The following SULF2 variants were observed in gnomAD, a reference collection of about 807,000 sequenced individuals.
The protein encoded by SULF2 is sulfatase 2.
Under a neutral mutation model 107.7 loss-of-function variants are expected in SULF2, and 52 were observed. The ratio of observed to expected loss-of-function variants is 0.48; its 90% CI spans 0.39 to 0.61. The LOEUF is 0.61. Ranked by LOEUF, SULF2 falls within the 20% of genes least tolerant of loss-of-function variation. The pLI is 0.00. For missense variants in SULF2, 993 were observed against 1,177.3 expected (o/e 0.84, Z 2.29); for synonymous variants, 460 against 464.3 (o/e 0.99, Z 0.12).
Position 47,783,946 on chromosome 20 carries a change from C to T in SULF2, c.-101+1397G>A, listed in dbSNP as rs2090876342. ...GAAGGGGCCCCCTTCGTTCTGTCCT[C>T]CCTACCCCGTTCCTATACTTAACGA... On this transcript the variant is annotated intron_variant, in intron 1 of 20. Coordinates refer to ENST00000688720, the MANE Select transcript of SULF2 (RefSeq NM_001387048.1). 1.3e-5 allele frequency among the ~76,000 whole-genome samples: 2 copies of T among 152,232 alleles called. 1 individual carries two copies. Among genetic ancestry groups the T allele is most frequent in the South Asian group, 4.1e-4 (2 of 4,834 alleles).
intron 8 of SULF2, among the ~76,000 whole-genome samples, chr20:47,677,400 CTG>C (rs58936261): frequency 0.066 from 9,526 of 143,632 alleles, 661 homozygotes; most frequent in African/African-American, 0.18. Context: ...ACCCAAGTAA[CTG>C]TGTGTGTGTG....
intron 3 of SULF2, chr20:47,707,048 G>A (rs535671723): frequency 6.6e-6 from 1 of 152,206 alleles, no homozygotes; most frequent in African/African-American, 2.4e-5. Context: ...GGAGGGCAGT[G>A]GTGTAATCTC....
intron 1 of SULF2, among the ~76,000 whole-genome samples, chr20:47,784,388 C>T (rs2090884181): frequency 6.7e-6 from 1 of 149,928 alleles, no homozygotes; most frequent in African/African-American, 2.4e-5. Flanking sequence ...TGAATCAAAG[C>T]TTTCAAGGGG....
At chr20:47,738,523 T>A (rs2146798785) in intron 2 of SULF2, among the ~76,000 whole-genome samples, 1 of 152,324 alleles carries the variant, frequency 6.6e-6, no homozygotes, top group South Asian at 2.1e-4. Flanking sequence ...CCAAATCTCA[T>A]CTTGAATTGT....
At position 47,661,707 on chromosome 20, in the gene SULF2, A is replaced by G. The variant is rs979681748; in HGVS notation, c.2494+66T>C. 3.2e-5 allele frequency: 44 copies of G among 1,384,692 alleles called. 1 individual carries two copies. In the South Asian group the frequency reaches 7.6e-4, roughly 24 times the overall value. 85.8% of individuals were successfully genotyped at this position (1,384,692 alleles called of 1,614,324 possible). On this transcript the variant is annotated intron_variant, in intron 18 of 20. Coordinates refer to ENST00000688720, the MANE Select transcript of SULF2 (RefSeq NM_001387048.1). ...CAGGCTCATTCTTGGGGTAGACACC[A>G]CCTCCTGAGTCCCTTCCTTTGGTTA...
intron 2 of SULF2, among the ~76,000 whole-genome samples, chr20:47,755,058 G>A (rs193217907): frequency 2.8e-4 from 43 of 152,140 alleles, no homozygotes; most frequent in South Asian, 1.0e-3. Flanking sequence ...GGCTGGTCTC[G>A]AACTCCTGGC....
chr20:47,675,552 T>C (rs538752996), intron 10 of SULF2, among the ~76,000 whole-genome samples: 1 of 152,274 alleles, frequency 6.6e-6, no homozygotes, highest in South Asian at 2.1e-4. Flanking sequence ...ATGCAGTCCA[T>C]CAGAAACGCA....
In SULF2 at chr20:47,702,559, C is replaced by T. The variant is rs775009035; in HGVS notation, c.527G>A (p.Arg176Gln). The change falls in exon 4 of 21, where the codon CGG becomes CAG. Residue 176 changes from arginine (R) to glutamine (Q), a missense_variant. This residue lies in a region of SULF2 where 388 missense variants were observed against 449.2 expected (regional missense o/e 0.86). Coordinates refer to ENST00000688720, the MANE Select transcript of SULF2 (RefSeq NM_001387048.1). ...GCCGTGCTTCTCTTTCACCCCGTTC[C>T]GACACAGCGTGTAGTTATAAAAGCG... is the stretch of plus-strand genomic sequence containing the variant. ...NSRFYNYTLC[R>Q]NGVKEKHGSD... 2.7e-5 allele frequency: 43 copies of T among 1,613,024 alleles called. No individual in the cohort carries two copies. The South Asian group carries it at 3.2e-4, about 12-fold the overall frequency.
chr20:47,760,829 C>T (rs186232068), intron 1 of SULF2, among the ~76,000 whole-genome samples: 136 of 152,330 alleles, frequency 8.9e-4, no homozygotes, highest in African/African-American at 3.2e-3. Context: ...GTGAACAACA[C>T]CTTCCTTCTC....
Position 47,666,481 on chromosome 20 carries a change from C to T in SULF2, c.1584G>A (p.Lys528=), listed in dbSNP as rs145679433. ...RRKKLFKKKY[K]ASYVRSRSIR... ...TGGAGCGACTGCGGACATAGCTGGC[C>T]TTGTACTCTGTGGGCATTAGAGGAG... The change falls in exon 12 of 21, where the codon AAG becomes AAA. Residue 528 remains lysine, a synonymous_variant. Coordinates refer to ENST00000688720, the MANE Select transcript of SULF2 (RefSeq NM_001387048.1). This position sits in a 1 kb window ranked among gnomAD's most constrained non-coding sequence, Gnocchi z 5.4. 56 of 1,612,614 alleles carry T rather than the reference C, an allele frequency of 3.5e-5. No homozygotes were observed. The Admixed American group carries it at 6.3e-4, about 18-fold the overall frequency.
rs752791685 is a variant in SULF2 at position 47,682,983 on chromosome 20, G to A, written c.1064+11C>T. ...GGGCCTCCCTGGGTCCCTGGGGGAT[G>A]ACACACTTACAGACAGCCGGCTTCC... On this transcript the variant is annotated intron_variant, in intron 7 of 20. Coordinates refer to ENST00000688720, the MANE Select transcript of SULF2 (RefSeq NM_001387048.1). 2.5e-6 allele frequency: 4 copies of A among 1,589,934 alleles called. No individual in the cohort carries two copies. Among genetic ancestry groups the A allele is most frequent in the Non-Finnish European group, 3.4e-6 (4 of 1,164,758 alleles).
At chr20:47,747,147 C>T (rs1029826029) in intron 2 of SULF2, among the ~76,000 whole-genome samples, 2 of 152,002 alleles carry the variant, frequency 1.3e-5, no homozygotes, top group East Asian at 1.9e-4. Context: ...TTCTGGAGAC[C>T]TGTTGCTCAG....
chr20:47,690,939 G>A (rs1602655889), intron 4 of SULF2, among the ~76,000 whole-genome samples: 1 of 152,044 alleles, frequency 6.6e-6, no homozygotes, highest in Non-Finnish European at 1.5e-5. Context: ...GCCAAGGACT[G>A]TTCTGTGTTT....
chr20:47,770,987 T>A (rs1360278366), intron 1 of SULF2, among the ~76,000 whole-genome samples: 2 of 152,014 alleles, frequency 1.3e-5, no homozygotes, highest in Non-Finnish European at 2.9e-5. Flanking sequence ...GACCCACATC[T>A]CAACAAAGGA....
intron 4 of SULF2, among the ~76,000 whole-genome samples, chr20:47,699,839 C>T (rs957855484): frequency 1.3e-5 from 2 of 152,200 alleles, no homozygotes; most frequent in Non-Finnish European, 2.9e-5. Flanking sequence ...CACAGTTCTA[C>T]CTGGGCCTGA....
At chr20:47,721,370 ATT>A (rs5841706) in intron 3 of SULF2, among the ~76,000 whole-genome samples, 20,082 of 147,828 alleles carry the variant, frequency 0.14, 1,623 homozygotes, top group East Asian at 0.22. Flanking sequence ...AGAAGAAGCT[ATT>A]TTTTTTTTTT....
In SULF2 at chr20:47,668,525, C is replaced by T. The variant is rs113706044; in HGVS notation, c.1577-2037G>A. On this transcript the variant is annotated intron_variant, in intron 11 of 20. Coordinates refer to ENST00000688720, the MANE Select transcript of SULF2 (RefSeq NM_001387048.1). ...GGGAATGGGACAGGACTTCATAACCCGGCGGCCAAGAGCTTTGACTCTGCA... is the reference window on the plus strand; with the variant it reads ...GGGAATGGGACAGGACTTCATAACCTGGCGGCCAAGAGCTTTGACTCTGCA... Among the ~76,000 whole-genome samples the T allele has an allele frequency of 1.7e-3, 263 of 152,320 alleles. 2 individuals are homozygous for T. Among genetic ancestry groups the T allele is most frequent in the African/African-American group, 5.8e-3 (243 of 41,572 alleles).
intron 1 of SULF2, among the ~76,000 whole-genome samples, chr20:47,780,345 G>A (rs562299797): frequency 5.3e-4 from 81 of 152,052 alleles, no homozygotes; most frequent in African/African-American, 1.8e-3. Flanking sequence ...TTTGTGTTTG[G>A]GGCAGGTGTC....
chr20:47,690,127 T>G lies in SULF2; in HGVS notation c.736A>C (p.Ile246Leu). 12 of 1,473,456 alleles carry G rather than the reference T, an allele frequency of 8.1e-6. No individual in the cohort carries two copies. Among genetic ancestry groups the G allele is most frequent in the Non-Finnish European group, 1.1e-5 (12 of 1,102,578 alleles). 91.3% of individuals were successfully genotyped at this position (1,473,456 alleles called of 1,614,324 possible). Reference protein sequence around the residue: ...SRLFPNASQHITPSYNYAPNP... With the variant: ...SRLFPNASQHLTPSYNYAPNP... The stretch of plus-strand genomic sequence containing the variant: ...GGCAGGCAGAGTGCTGAGGCTTACA[T>G]GTGCTGAGATGCGTTTGGGAAGAGG... The change falls in exon 5 of 21, where the codon ATC (isoleucine) becomes CTC (leucine). Residue 246 changes from isoleucine to leucine, a missense_variant and splice_region_variant. By Grantham distance (5) the Ile-to-Leu change is conservative. This residue lies in a region of SULF2 where 388 missense variants were observed against 449.2 expected (regional missense o/e 0.86). Coordinates refer to ENST00000688720, the MANE Select transcript of SULF2 (RefSeq NM_001387048.1).
Sources: allele counts gnomAD v4.1 joint callset (sites outside exome capture counted in the v4.1 genomes callset), GRCh38; gene constraint gnomAD v4.1.1; regional missense constraint gnomAD v4.1.1; non-coding constraint Gnocchi (gnomAD v3.1); transcripts MANE v1.5; gene names NCBI Gene and HGNC (gene_info 2026-07-23, HGNC 2026-07-21).